Variants in EYS observed in about 807,000 individuals in gnomAD.
EYS encodes the protein protein eyes shut homolog.
Under a neutral mutation model 282.1 loss-of-function variants are expected in EYS, and 250 were observed. The observed-to-expected ratio is 0.89, with a 90% confidence interval of 0.80 to 0.98. The LOEUF is 0.98. Ranked by LOEUF, EYS falls within the 50% of genes least tolerant of loss-of-function variation. The pLI is 0.00. For missense variants in EYS, 4,016 were observed against 3,709.0 expected (o/e 1.08, Z -2.15); for synonymous variants, 1,355 against 1,282.9 (o/e 1.06, Z -1.20).
intron 31 of EYS, among the ~76,000 whole-genome samples, chr6:64,130,928 C>G (rs763900589): frequency 1.3e-5 from 2 of 152,054 alleles, no homozygotes; most frequent in Non-Finnish European, 2.9e-5. Context: ...AGTGAAGTGG[C>G]GTGATCTCAG....
intron 12 of EYS, among the ~76,000 whole-genome samples, chr6:65,141,226 G>T (rs961691922): frequency 2.6e-5 from 4 of 152,036 alleles, no homozygotes; most frequent in African/African-American, 9.7e-5. Context: ...ATCATTCTCA[G>T]TAAACTATCA....
intron 26 of EYS, among the ~76,000 whole-genome samples, chr6:64,506,802 G>A (rs921313851): frequency 1.3e-5 from 2 of 151,188 alleles, no homozygotes; most frequent in Non-Finnish European, 2.9e-5. Flanking sequence ...CCAGCTACTG[G>A]GGAGGCTGAG....
intron 26 of EYS, among the ~76,000 whole-genome samples, chr6:64,493,144 T>C (rs908231895): frequency 2.0e-5 from 3 of 151,458 alleles, no homozygotes; most frequent in Non-Finnish European, 4.4e-5. Context: ...TTTCTTTTCA[T>C]TTATAATTTT....
chr6:63,732,355 C>G (rs914499953), intron 41 of EYS, among the ~76,000 whole-genome samples: 1 of 152,006 alleles, frequency 6.6e-6, no homozygotes, highest in African/African-American at 2.4e-5. Context: ...TATTCAGTAA[C>G]AAAGTACTGG....
In EYS at chr6:64,900,408, G is replaced by A. The variant is rs531412410; in HGVS notation, c.2846+1705C>T. Among the ~76,000 whole-genome samples, 4 of 152,270 alleles carry A rather than the reference G, an allele frequency of 2.6e-5. No individual in the cohort carries two copies. The South Asian group carries it at 8.3e-4, about 32-fold the overall frequency. ...GATCGAATTAAACTAAAGAGCTTCT[G>A]CACAGCAAAAGAAACTATCATCAGA... On this transcript the variant is annotated intron_variant, in intron 18 of 42. Transcript: ENST00000503581.
At chr6:65,005,934 C>A (rs1386814814) in intron 13 of EYS, among the ~76,000 whole-genome samples, 1 of 152,226 alleles carries the variant, frequency 6.6e-6, no homozygotes, top group Non-Finnish European at 1.5e-5. Context: ...CCAAAATTCT[C>A]CTTACCTCTG....
chr6:65,491,093 C>T (rs1766026110), intron 4 of EYS, among the ~76,000 whole-genome samples: 1 of 151,992 alleles, frequency 6.6e-6, no homozygotes, highest in East Asian at 1.9e-4. Context: ...CAAATGTGTA[C>T]TGTTTCTCAG....
chr6:64,029,493 C>T (rs1769711399), intron 33 of EYS, among the ~76,000 whole-genome samples: 2 of 152,200 alleles, frequency 1.3e-5, no homozygotes, highest in Admixed American at 1.3e-4. Context: ...GGTACTCCTC[C>T]TTGAGGGACC....
intron 24 of EYS, among the ~76,000 whole-genome samples, chr6:64,617,025 A>G (rs746989972): frequency 2.0e-5 from 3 of 152,096 alleles, no homozygotes; most frequent in Non-Finnish European, 4.4e-5. Context: ...CGGACATACA[A>G]TATGCTGAGC....
At chr6:64,044,472 A>G (rs575038523) in intron 33 of EYS, among the ~76,000 whole-genome samples, 7 of 152,326 alleles carry the variant, frequency 4.6e-5, no homozygotes, top group South Asian at 2.1e-4. Flanking sequence ...TTCAGGTGGA[A>G]CGTAAGTTCA....
intron 8 of EYS, among the ~76,000 whole-genome samples, chr6:65,373,840 T>C (rs972890437): frequency 6.6e-6 from 1 of 152,184 alleles, no homozygotes; most frequent in Non-Finnish European, 1.5e-5. Flanking sequence ...TAGATATTTC[T>C]AGATACTGAA....
intron 22 of EYS, among the ~76,000 whole-genome samples, chr6:64,652,703 A>G (rs1439940181): frequency 1.3e-5 from 2 of 152,242 alleles, no homozygotes; most frequent in Non-Finnish European, 2.9e-5. Flanking sequence ...ATATGAAACT[A>G]ATACCATATT....
chr6:65,392,194 G>A (rs1275293159), intron 7 of EYS, among the ~76,000 whole-genome samples: 3 of 151,584 alleles, frequency 2.0e-5, no homozygotes, highest in African/African-American at 4.9e-5. Flanking sequence ...AGACTTAAAC[G>A]TTAGACCTAA....
chr6:65,177,713 A>G (rs1165900522), intron 12 of EYS, among the ~76,000 whole-genome samples: 1 of 151,510 alleles, frequency 6.6e-6, no homozygotes, highest in African/African-American at 2.4e-5. Context: ...TTTTTTTTTC[A>G]TGTTGGCAAA....
chr6:65,052,702 T>C (rs1773307881), intron 13 of EYS, among the ~76,000 whole-genome samples: 1 of 151,646 alleles, frequency 6.6e-6, no homozygotes, highest in Non-Finnish European at 1.5e-5. Flanking sequence ...AAAATTTTTG[T>C]TCATTTCTGA....
intron 2 of EYS, among the ~76,000 whole-genome samples, chr6:65,528,498 C>A (rs1025463949): frequency 1.3e-5 from 2 of 152,140 alleles, no homozygotes; most frequent in African/African-American, 4.8e-5. Flanking sequence ...GCTATGAGGG[C>A]TCTACCCTCC....
intron 12 of EYS, among the ~76,000 whole-genome samples, chr6:65,206,865 G>A (rs534604673): frequency 1.0e-3 from 155 of 151,774 alleles, no homozygotes; most frequent in Non-Finnish European, 1.7e-3. Flanking sequence ...GCAATTGAAG[G>A]AAAATACATC....
intron 8 of EYS, among the ~76,000 whole-genome samples, chr6:65,361,286 C>T (rs1040827634): frequency 5.3e-5 from 8 of 151,992 alleles, no homozygotes; most frequent in African/African-American, 1.9e-4. Context: ...CTGGGTGCAG[C>T]ACACCAACAT....
At chr6:64,128,016 A>G (rs927445571) in intron 31 of EYS, among the ~76,000 whole-genome samples, 3 of 152,152 alleles carry the variant, frequency 2.0e-5, no homozygotes, top group Non-Finnish European at 4.4e-5. Flanking sequence ...CATTTTGCCA[A>G]TGTCATCTAC....
Sources: allele counts gnomAD v4.1 joint callset (sites outside exome capture counted in the v4.1 genomes callset), GRCh38; gene constraint gnomAD v4.1.1; transcripts MANE v1.5; gene names NCBI Gene and HGNC (gene_info 2026-07-23, HGNC 2026-07-21).